LRRC7: variants seen among roughly 807,000 people sequenced by gnomAD.
The protein encoded by LRRC7 is leucine rich repeat containing 7, also known as leucine-rich repeat-containing protein 7.
LRRC7 carries 23 observed loss-of-function variants against 175.7 expected under a neutral mutation model. The ratio of observed to expected loss-of-function variants is 0.13; its 90% confidence interval spans 0.09 to 0.19. LRRC7 has a LOEUF of 0.19. LRRC7 is among the 10% of genes least tolerant of loss of function. LRRC7 has a pLI of 1.00. For missense variants in LRRC7, 1,354 were observed against 1,904.7 expected (o/e 0.71, Z 5.38); for synonymous variants, 685 against 680.9 (o/e 1.01, Z -0.09).
intron 7 of LRRC7, among the ~76,000 whole-genome samples, chr1:69,918,532 C>T (rs563468551): frequency 4.6e-5 from 7 of 152,020 alleles, no homozygotes; most frequent in Non-Finnish European, 1.0e-4. Context: ...AACTGGCACA[C>T]GAACAAGAAA....
intron 8 of LRRC7, among the ~76,000 whole-genome samples, chr1:69,960,576 T>C (rs1440966834): frequency 6.6e-6 from 1 of 151,942 alleles, no homozygotes; most frequent in Admixed American, 6.6e-5. Flanking sequence ...TGTTGGGTTG[T>C]TAAATTGAAA....
rs1346321517 is a variant in LRRC7 at position 70,143,006 on chromosome 1, G to GAAGT, written c.*21120_*21123dup. On this transcript the variant is annotated 3_prime_UTR_variant, in exon 27 of 27. Coordinates refer to ENST00000651989, the MANE Select transcript of LRRC7 (RefSeq NM_001370785.2). ...CATAATCCTTTTACTACTCTATAAA[G>GAAGT]AAGTTCTACTTCTACCTATATGAAT... 10 of 152,004 alleles carry GAAGT rather than the reference G, an allele frequency of 6.6e-5. No individual in the cohort carries two copies. Among genetic ancestry groups the GAAGT allele is most frequent in the African/African-American group, 2.4e-4 (10 of 41,414 alleles). The allele number at this position is 152,004 out of a possible 1,614,324, so 9.4% of individuals were successfully genotyped here. A position where few individuals can be genotyped will look rare whatever the true frequency, so the allele number is the denominator to read the frequency against.
chr1:70,018,591 G>A, intron 14 of LRRC7, 128 bp from the exon 15 acceptor site: 1 of 529,400 alleles, frequency 1.9e-6, no homozygotes, highest in Non-Finnish European at 3.3e-6. Flanking sequence ...ATTTCATGTT[G>A]TAATTTCTTA....
intron 7 of LRRC7, among the ~76,000 whole-genome samples, chr1:69,928,198 G>C (rs941058979): frequency 2.6e-5 from 4 of 152,116 alleles, no homozygotes; most frequent in African/African-American, 4.8e-5. Context: ...GCCGTGTGAG[G>C]TGTCAGTCTG....
chr1:69,921,330 C>CA (rs1323156768), intron 7 of LRRC7, among the ~76,000 whole-genome samples: 2 of 152,056 alleles, frequency 1.3e-5, no homozygotes, highest in African/African-American at 4.8e-5. Flanking sequence ...TCCAGACACA[C>CA]ACATACACAC....
chr1:69,833,657 G>A (rs932755521), intron 5 of LRRC7, among the ~76,000 whole-genome samples: 9 of 152,000 alleles, frequency 5.9e-5, no homozygotes, highest in African/African-American at 2.2e-4. Context: ...AAGAGAAGCA[G>A]GAAAATTGTA....
rs1260744684 is a variant in LRRC7 at position 70,107,111 on chromosome 1, T to A, written c.4546-641T>A. The stretch of plus-strand genomic sequence containing the variant: ...ATATATGTTTTCTTTCTATACATGG[T>A]CAATGAAATTAATTTGACTTTCTTA... On this transcript the variant is annotated intron_variant, in intron 25 of 26. Coordinates refer to ENST00000651989, the MANE Select transcript of LRRC7 (RefSeq NM_001370785.2). Among the ~76,000 whole-genome samples the A allele has an allele frequency of 3.3e-5, 5 of 152,348 alleles. No homozygotes were observed. The East Asian group carries it at 9.6e-4, about 29-fold the overall frequency.
intron 25 of LRRC7, among the ~76,000 whole-genome samples, chr1:70,096,610 C>T (rs1293655629): frequency 6.6e-6 from 1 of 151,952 alleles, no homozygotes; most frequent in Non-Finnish European, 1.5e-5. Flanking sequence ...AAAAATCACA[C>T]GTTCCCTTTG....
intron 2 of LRRC7, among the ~76,000 whole-genome samples, chr1:69,733,908 C>T (rs887087691): frequency 6.6e-6 from 1 of 152,030 alleles, no homozygotes; most frequent in Non-Finnish European, 1.5e-5. Flanking sequence ...CACCAACCAA[C>T]TCAGCTAGTG....
intron 26 of LRRC7, among the ~76,000 whole-genome samples, chr1:70,114,992 G>C (rs1665756493): frequency 6.6e-6 from 1 of 152,122 alleles, no homozygotes. Context: ...ATTACTGACA[G>C]ATGTTCGATA....
rs1571406614 is a variant in LRRC7, at chr1:70,136,410, T to C, written c.*14523T>C. Among the ~76,000 whole-genome samples, 1 of 152,260 alleles carries C rather than the reference T, an allele frequency of 6.6e-6. No homozygotes were observed. Among genetic ancestry groups the C allele is most frequent in the Non-Finnish European group, 1.5e-5 (1 of 68,016 alleles). On this transcript the variant is annotated 3_prime_UTR_variant, in exon 27 of 27. Coordinates refer to ENST00000651989, the MANE Select transcript of LRRC7 (RefSeq NM_001370785.2). The stretch of plus-strand genomic sequence containing the variant: ...TTGTCCTCTAGCCAATCTATATGTT[T>C]ATCCTTTTTTAAAAAATTATTTAAC...
intron 1 of LRRC7, among the ~76,000 whole-genome samples, chr1:69,616,444 G>A (rs1015646604): frequency 6.6e-6 from 1 of 151,938 alleles, no homozygotes; most frequent in Non-Finnish European, 1.5e-5. Flanking sequence ...AGATAGCATA[G>A]TGAAACCTTC....
At chr1:69,849,135 C>A (rs1682696006) in intron 7 of LRRC7, among the ~76,000 whole-genome samples, 1 of 151,894 alleles carries the variant, frequency 6.6e-6, no homozygotes, top group Admixed American at 6.6e-5. Context: ...AAAATAAATG[C>A]ACTATAATTT....
chr1:69,842,398 T>A (rs984220807), intron 7 of LRRC7, among the ~76,000 whole-genome samples: 1 of 152,148 alleles, frequency 6.6e-6, no homozygotes, highest in Non-Finnish European at 1.5e-5. Flanking sequence ...AGTTAAAATA[T>A]ATTATGTAAA....
intron 7 of LRRC7, chr1:69,839,037 A>G (rs1257250685): frequency 6.5e-6 from 2 of 308,614 alleles, no homozygotes; most frequent in Admixed American, 7.9e-5. Context: ...TGTTGCTATT[A>G]TCACCCTTCT....
rs759758141 is a variant in LRRC7, at chr1:70,142,907, C to CTAAG, written c.*21023_*21026dup. 2.0e-5 allele frequency: 3 copies of CTAAG among 151,974 alleles called. No individual in the cohort carries two copies. The highest frequency in any genetic ancestry group is 1.9e-4 in the East Asian group (1 of 5,178). 9.4% of individuals were successfully genotyped at this position (151,974 alleles called of 1,614,324 possible). On this transcript the variant is annotated 3_prime_UTR_variant, in exon 27 of 27. Coordinates refer to ENST00000651989, the MANE Select transcript of LRRC7 (RefSeq NM_001370785.2). ...CTAGATATTATGTTTTGGATGTTTT[C>CTAAG]TAAGTATCTATGAAAATTATTTTTT...
intron 4 of LRRC7, among the ~76,000 whole-genome samples, chr1:69,825,273 G>C (rs546205304): frequency 1.3e-5 from 2 of 152,134 alleles, no homozygotes; most frequent in Non-Finnish European, 2.9e-5. Context: ...ATATCTATCA[G>C]TTTTGGGTGT....
At chr1:70,108,967 G>T (rs904640043) in intron 26 of LRRC7, among the ~76,000 whole-genome samples, 4 of 152,000 alleles carry the variant, frequency 2.6e-5, no homozygotes, top group East Asian at 1.9e-4. Flanking sequence ...TGGTTTTTTT[G>T]TTGTTGTTGT....
At position 69,591,871 on chromosome 1, in the gene LRRC7, G is replaced by A. The variant is rs552056419; in HGVS notation, c.2+23230G>A. Among the ~76,000 whole-genome samples the A allele has an allele frequency of 4.6e-5, 7 of 151,986 alleles. No homozygotes were observed. The East Asian group carries it at 1.4e-3, about 29-fold the overall frequency. ...AAGGTTGGTCTACTGTTTTACCTCA[G>A]TAATACAAAAACTCCCTCCCCCATA... On this transcript the variant is annotated intron_variant, in intron 1 of 26. Transcript: ENST00000651989.
Sources: allele counts gnomAD v4.1 joint callset (sites outside exome capture counted in the v4.1 genomes callset), GRCh38; gene constraint gnomAD v4.1.1; transcripts MANE v1.5; gene names NCBI Gene and HGNC (gene_info 2026-07-23, HGNC 2026-07-21).